The following MAP1LC3A variants were observed in gnomAD, a reference collection of about 807,000 sequenced individuals.
MAP1LC3A encodes microtubule associated protein 1 light chain 3 alpha.
A neutral mutation model predicts 15.2 loss-of-function variants in MAP1LC3A; 10 were observed. The ratio of observed to expected loss-of-function variants is 0.66; its 90% CI spans 0.41 to 1.12. The LOEUF is 1.12. MAP1LC3A is among the 50% of genes most tolerant of loss of function. MAP1LC3A has a pLI of 0.00. For missense variants in MAP1LC3A, 138 were observed against 167.3 expected (o/e 0.82, Z 0.97); for synonymous variants, 63 against 64.3 (o/e 0.98, Z 0.10).
chr20:34,558,654 C>T, upstream of MAP1LC3A: 1 of 1,231,564 alleles, frequency 8.1e-7, no homozygotes, highest in Non-Finnish European at 1.0e-6. The surrounding 1 kb of genome is among the most constrained non-coding windows in gnomAD (Gnocchi z 4.3). Flanking sequence ...GCGGGTTGTG[C>T]GTCGGCCCAA....
At chr20:34,549,583 G>A (rs965020025) in intron 1 of MAP1LC3A, among the ~76,000 whole-genome samples, 2 of 152,232 alleles carry the variant, frequency 1.3e-5, no homozygotes, top group South Asian at 2.1e-4. Flanking sequence ...GACTGGCCCC[G>A]CCATGGGCAG....
At chr20:34,548,216 C>A (rs1326358602) in intron 1 of MAP1LC3A, among the ~76,000 whole-genome samples, 2 of 152,320 alleles carry the variant, frequency 1.3e-5, no homozygotes, top group African/African-American at 4.8e-5. Context: ...CGGAGGCAGC[C>A]TTTGTTCCAG....
chr20:34,559,360 G>A lies in MAP1LC3A; in HGVS notation c.110G>A (p.Arg37His). 9 of 1,580,190 alleles carry A rather than the reference G, an allele frequency of 5.7e-6. No individual in the cohort carries two copies. Among genetic ancestry groups the A allele is most frequent in the Non-Finnish European group, 6.9e-6 (8 of 1,159,202 alleles). Residue 37 changes from arginine (R) to histidine (H), a missense_variant, in exon 3 of 4, where the codon CGC (arginine) becomes CAC (histidine). Physicochemically the swap from Arg to His is conservative, Grantham distance 29 (BLOSUM62 0). Transcript: ENST00000360668. ...HPSKIPVIIE[R>H]YKGEKQLPVL... ...CCCTGCTCCCAGGTGATCATCGAGC[G>A]CTACAAGGGTGAGAAGCAGCTGCCC... is the stretch of plus-strand genomic sequence containing the variant.
chr20:34,558,349 A>ACAC, upstream of MAP1LC3A: 2 of 986,928 alleles, frequency 2.0e-6, no homozygotes, highest in Non-Finnish European at 2.4e-6. The surrounding 1 kb of genome is among the most constrained non-coding windows in gnomAD (Gnocchi z 4.3). Context: ...AGCCCCGTGA[A>ACAC]GGCGCCGGGC....
At chr20:34,558,062 C>T, upstream of MAP1LC3A, 2 of 985,368 alleles carry the variant, frequency 2.0e-6, no homozygotes, top group Non-Finnish European at 2.4e-6. This position sits in a 1 kb window ranked among gnomAD's most constrained non-coding sequence, Gnocchi z 4.3. Context: ...GAGCTCTGCT[C>T]GGGCCCGCGA....
chr20:34,558,560 T>A, upstream of MAP1LC3A: 1 of 1,168,880 alleles, frequency 8.6e-7, no homozygotes, highest in Non-Finnish European at 1.1e-6. The surrounding 1 kb of genome is among the most constrained non-coding windows in gnomAD (Gnocchi z 4.3). Flanking sequence ...GTCACGGGAC[T>A]GTGACGCGCC....
intron 1 of MAP1LC3A, among the ~76,000 whole-genome samples, chr20:34,549,307 C>T (rs559360658): frequency 3.7e-4 from 56 of 152,206 alleles, no homozygotes; most frequent in African/African-American, 1.2e-3. Context: ...ATTACAGGCA[C>T]GAGCCACCAT....
chr20:34,556,232 A>G (rs1004489518), upstream of MAP1LC3A, among the ~76,000 whole-genome samples: 1 of 152,232 alleles, frequency 6.6e-6, no homozygotes, highest in Non-Finnish European at 1.5e-5. Context: ...ATAGGTTTAA[A>G]TTTCCACACA....
intron 1 of MAP1LC3A, among the ~76,000 whole-genome samples, chr20:34,547,595 C>T (rs1034436608): frequency 4.6e-5 from 7 of 151,788 alleles, no homozygotes; most frequent in African/African-American, 1.2e-4. Context: ...ATGCTCTTCC[C>T]GTGATAGTTC....
chr20:34,560,088 T>G lies in MAP1LC3A; in HGVS notation c.*190T>G. The G allele has an allele frequency of 2.6e-5, 9 of 350,280 alleles. No homozygotes were observed. The highest frequency in any genetic ancestry group is 7.6e-5 in the East Asian group (1 of 13,172). 21.7% of individuals were successfully genotyped at this position (350,280 alleles called of 1,614,324 possible). ...TCCTGGGCCGGTCGTGTTAGGGTTG[T>G]CCCTCTGGGTGCTGGCTGGTGGGAT... On this transcript the variant is annotated 3_prime_UTR_variant, in exon 4 of 4. Coordinates refer to ENST00000360668, the MANE Select transcript of MAP1LC3A (RefSeq NM_032514.4).
upstream of MAP1LC3A, chr20:34,558,133 G>T (rs1982229224): frequency 1.0e-6 from 1 of 985,316 alleles, no homozygotes; most frequent in Non-Finnish European, 1.2e-6. The surrounding 1 kb of genome is among the most constrained non-coding windows in gnomAD (Gnocchi z 4.3). Context: ...TCTCTCTGGT[G>T]AGCTGCTTCC....
At chr20:34,550,361 G>A (rs1361302476) in intron 2 of MAP1LC3A, among the ~76,000 whole-genome samples, 2 of 152,204 alleles carry the variant, frequency 1.3e-5, no homozygotes, top group South Asian at 2.1e-4. Context: ...TCTAGAGGGG[G>A]AGATAGACCT....
rs1412134000 is a variant in MAP1LC3A, at chr20:34,547,254, G to A, written c.-74+338G>A. On this transcript the variant is annotated intron_variant, in intron 1 of 4. Coordinates refer to the MAP1LC3A transcript ENST00000374837. ...CAGCAGTCACCATACAGCTGAACTC[G>A]GCCAGGTTAAGGCGGCAGAAGAAAG... Among the ~76,000 whole-genome samples the A allele has an allele frequency of 4.6e-5, 7 of 151,984 alleles. No homozygotes were observed. In the South Asian group the frequency reaches 6.2e-4, roughly 14 times the overall value.
chr20:34,547,369 G>T (rs889760569), intron 1 of MAP1LC3A, among the ~76,000 whole-genome samples: 1 of 151,078 alleles, frequency 6.6e-6, no homozygotes. Flanking sequence ...GGTGGCAGTG[G>T]AATTTTTTTT....
chr20:34,549,750 TTGCCATGGCAATGGTAAAC>T (rs560032545), intron 1 of MAP1LC3A, among the ~76,000 whole-genome samples: 33 of 152,296 alleles, frequency 2.2e-4, no homozygotes, highest in Middle Eastern at 3.4e-3. Context: ...CTTCCAGGTG[TTGCCATGGCAATGGTAAAC>T]TGCCATGGCA....
At position 34,558,734 on chromosome 20, in the gene MAP1LC3A, G is replaced by C; in HGVS notation, c.-135G>C. The C allele has an allele frequency of 7.7e-7, 1 of 1,306,024 alleles. No homozygotes were observed. Among genetic ancestry groups the C allele is most frequent in the South Asian group, 2.2e-5 (1 of 45,174 alleles). 80.9% of individuals were successfully genotyped at this position (1,306,024 alleles called of 1,614,324 possible). On this transcript the variant is annotated 5_prime_UTR_variant, in exon 1 of 4. Transcript: ENST00000360668. The surrounding 1 kb of genome is among the most constrained non-coding windows in gnomAD (Gnocchi z 4.3). ...GACGTCACCGGGCGAGTTACCTCCC[G>C]CAGCCGCAGCCGCCGTGCTCAGCGC...
chr20:34,555,916 T>C (rs1326931922), upstream of MAP1LC3A, among the ~76,000 whole-genome samples: 1 of 151,836 alleles, frequency 6.6e-6, no homozygotes, highest in African/African-American at 2.4e-5. Context: ...GATCTCCATT[T>C]ACTGCAAGCT....
upstream of MAP1LC3A, chr20:34,558,544 C>T: frequency 8.8e-7 from 1 of 1,138,672 alleles, no homozygotes; most frequent in Non-Finnish European, 1.1e-6. This position sits in a 1 kb window ranked among gnomAD's most constrained non-coding sequence, Gnocchi z 4.3. Context: ...CCGCGCTGCC[C>T]ATGACGTCAC....
intron 2 of MAP1LC3A, among the ~76,000 whole-genome samples, chr20:34,552,475 G>C (rs773537850): frequency 3.9e-5 from 6 of 152,268 alleles, no homozygotes; most frequent in Non-Finnish European, 8.8e-5. Flanking sequence ...GGGACACAGA[G>C]ATCCCGGGGA....
Sources: allele counts gnomAD v4.1 joint callset (sites outside exome capture counted in the v4.1 genomes callset), GRCh38; gene constraint gnomAD v4.1.1; non-coding constraint Gnocchi (gnomAD v3.1); transcripts MANE v1.5; gene names NCBI Gene and HGNC (gene_info 2026-07-23, HGNC 2026-07-21).